Variants in PKIG observed in about 807,000 individuals in gnomAD.
The protein encoded by PKIG is cAMP-dependent protein kinase inhibitor gamma, also known as protein kinase (cAMP-dependent, catalytic) inhibitor gamma.
In PKIG, 1 loss-of-function variant was observed where a neutral mutation model predicts 6.8. The observed-to-expected ratio is 0.15, with a 90% CI of 0.05 to 0.69. The LOEUF (loss-of-function observed/expected upper bound fraction) is 0.69. Among genes scored for constraint, PKIG ranks in the 30% least tolerant of loss-of-function variants. The pLI is 0.82. For synonymous variants in PKIG, 39 were observed against 43.0 expected (o/e 0.91, Z 0.36); for missense variants, 77 against 104.0 (o/e 0.74, Z 1.13).
chr20:44,608,698 G>A (rs543985582), intron 2 of PKIG, among the ~76,000 whole-genome samples: 50 of 151,888 alleles, frequency 3.3e-4, no homozygotes, highest in African/African-American at 1.2e-3. Flanking sequence ...TACTCAGGAG[G>A]CTGAGGCAAC....
At chr20:44,545,798 C>G (rs3091442) in intron 1 of PKIG, among the ~76,000 whole-genome samples, 34,743 of 151,954 alleles carry the variant, frequency 0.23, 5,281 homozygotes, top group African/African-American at 0.43. Context: ...CAGCCTGGGA[C>G]ACAGAGTAAG....
At chr20:44,553,302 C>T (rs1199578295) in intron 1 of PKIG, among the ~76,000 whole-genome samples, 1 of 152,190 alleles carries the variant, frequency 6.6e-6, no homozygotes, top group Non-Finnish European at 1.5e-5. Flanking sequence ...TAGTGAATAT[C>T]TCACATAAAC....
chr20:44,561,791 A>G (rs2064769555), intron 1 of PKIG, among the ~76,000 whole-genome samples: 1 of 152,194 alleles, frequency 6.6e-6, no homozygotes, highest in Non-Finnish European at 1.5e-5. Flanking sequence ...GAATTACAAA[A>G]TGAGTGGAGC....
chr20:44,552,563 G>C (rs1340992743), intron 1 of PKIG, among the ~76,000 whole-genome samples: 1 of 152,162 alleles, frequency 6.6e-6, no homozygotes, highest in Admixed American at 6.5e-5. Context: ...TGGAATGAAA[G>C]GAGACAAGCA....
chr20:44,566,098 T>C (rs1175021421), intron 1 of PKIG, among the ~76,000 whole-genome samples: 1 of 152,182 alleles, frequency 6.6e-6, no homozygotes, highest in African/African-American at 2.4e-5. Context: ...CAACATTGCA[T>C]GCCACTAACT....
chr20:44,616,180 ACCC>A (rs2065262719), intron 3 of PKIG, among the ~76,000 whole-genome samples: 1 of 151,842 alleles, frequency 6.6e-6, no homozygotes, highest in South Asian at 2.1e-4. Flanking sequence ...ATTCTTAGAG[ACCC>A]AGGCATCTGC....
Position 44,557,657 on chromosome 20 carries a change from A to G in PKIG, c.-240-24928A>G, listed in dbSNP as rs998682031. Among the ~76,000 whole-genome samples the G allele has an allele frequency of 9.0e-5, 7 of 77,624 alleles. No individual in the cohort carries two copies. In the East Asian group the frequency reaches 1.5e-3, roughly 16 times the overall value. 50.9% of individuals were successfully genotyped at this position (77,624 alleles called of 152,430 possible). A position where few individuals can be genotyped will look rare whatever the true frequency, so the allele number is the denominator to read the frequency against. On this transcript the variant is annotated intron_variant, in intron 1 of 4. Coordinates refer to the PKIG transcript ENST00000372887. ...AACACAATGAAACACTGTCTCTACTAAAAAAAAAAAAAAAAAATTAGCCAG... is the reference window on the plus strand; with the variant it reads ...AACACAATGAAACACTGTCTCTACTGAAAAAAAAAAAAAAAAATTAGCCAG...
rs1321944894 is a variant in PKIG at position 44,618,341 on chromosome 20, A to G, written c.208A>G (p.Ser70Gly). The G allele has an allele frequency of 6.2e-7, 1 of 1,612,670 alleles. No homozygotes were observed. Among genetic ancestry groups the G allele is most frequent in the East Asian group, 2.2e-5 (1 of 44,878 alleles). ...GGAAGCTGGCAACCAGCCCCAGAGC[A>G]GCGATGGGACCACCTCGTCTTGAAT... The part of the protein sequence containing the change: ...DKEAGNQPQS[S>G]DGTTSS The change falls in exon 4 of 4, where the codon AGC (serine) becomes GGC (glycine). Residue 70 changes from serine to glycine, a missense_variant. Physicochemically the swap from Ser to Gly is moderately conservative, Grantham distance 56. Coordinates refer to ENST00000372886, the MANE Select transcript of PKIG (RefSeq NM_001281445.2).
chr20:44,613,630 A>C (rs1426363723), intron 2 of PKIG, among the ~76,000 whole-genome samples: 2 of 152,166 alleles, frequency 1.3e-5, no homozygotes, highest in African/African-American at 4.8e-5. Flanking sequence ...ATTACCTGTC[A>C]ATCCAACACT....
At chr20:44,605,750 A>T (rs2065158952) in intron 2 of PKIG, among the ~76,000 whole-genome samples, 1 of 147,674 alleles carries the variant, frequency 6.8e-6, no homozygotes, top group Admixed American at 6.8e-5. Context: ...CCCATCTCTT[A>T]AAAAAAAAAG....
intron 1 of PKIG, among the ~76,000 whole-genome samples, chr20:44,568,853 C>A (rs1045380988): frequency 1.3e-5 from 2 of 152,028 alleles, no homozygotes; most frequent in Non-Finnish European, 2.9e-5. Flanking sequence ...TTTATTTAAC[C>A]ACTGCCTAAT....
At chr20:44,612,669 T>G (rs2065230044) in intron 2 of PKIG, among the ~76,000 whole-genome samples, 3 of 152,252 alleles carry the variant, frequency 2.0e-5, no homozygotes, top group Non-Finnish European at 4.4e-5. Flanking sequence ...AAAACAGCAC[T>G]GACTTTATAA....
chr20:44,532,642 G>A (rs949757649), intron 1 of PKIG, among the ~76,000 whole-genome samples: 3 of 152,170 alleles, frequency 2.0e-5, no homozygotes, highest in Non-Finnish European at 4.4e-5. Context: ...GGACATACAG[G>A]GGGGCTGTGA....
At chr20:44,535,115 A>G (rs2064500720) in intron 1 of PKIG, among the ~76,000 whole-genome samples, 1 of 152,238 alleles carries the variant, frequency 6.6e-6, no homozygotes. Flanking sequence ...AGAACTGACA[A>G]TAGCAACATG....
intron 2 of PKIG, among the ~76,000 whole-genome samples, chr20:44,591,181 G>A (rs2065030344): frequency 6.6e-6 from 1 of 152,080 alleles, no homozygotes; most frequent in Non-Finnish European, 1.5e-5. Context: ...GAGTGGGCGG[G>A]GACAGGCTGG....
intron 2 of PKIG, among the ~76,000 whole-genome samples, chr20:44,594,659 C>T (rs1192456890): frequency 6.6e-6 from 1 of 152,180 alleles, no homozygotes; most frequent in Non-Finnish European, 1.5e-5. Flanking sequence ...TACTTGCCTC[C>T]CCCATTCCCA....
chr20:44,562,326 TG>T (rs370722423), intron 1 of PKIG, among the ~76,000 whole-genome samples: 221 of 151,324 alleles, frequency 1.5e-3, no homozygotes, highest in Non-Finnish European at 2.4e-3. Flanking sequence ...AAATCAAGAA[TG>T]AAAAAGAGGG....
chr20:44,536,654 TTTG>T (rs2123126334), intron 1 of PKIG, among the ~76,000 whole-genome samples: 1 of 152,260 alleles, frequency 6.6e-6, no homozygotes, highest in Admixed American at 6.5e-5. Flanking sequence ...TGTTTAGCAG[TTTG>T]GACTTCTAGA....
At chr20:44,555,944 G>A (rs966100758) in intron 1 of PKIG, among the ~76,000 whole-genome samples, 6 of 152,270 alleles carry the variant, frequency 3.9e-5, no homozygotes, top group African/African-American at 9.6e-5. Flanking sequence ...AGGTTCAGGC[G>A]ATTCTCCTGC....
Sources: allele counts gnomAD v4.1 joint callset (sites outside exome capture counted in the v4.1 genomes callset), GRCh38; gene constraint gnomAD v4.1.1; transcripts MANE v1.5; gene names NCBI Gene and HGNC (gene_info 2026-07-23, HGNC 2026-07-21).